The following RUVBL1 variants were observed in gnomAD, a reference collection of about 807,000 sequenced individuals.
The protein encoded by RUVBL1 is ruvB-like 1.
In RUVBL1, 4 loss-of-function variants were observed where a neutral mutation model predicts 52.4. The ratio of observed to expected loss-of-function variants is 0.08; its 90% CI spans 0.04 to 0.17. RUVBL1 has a LOEUF of 0.17. Among genes scored for constraint, RUVBL1 ranks in the 10% least tolerant of loss-of-function variants. The probability of loss-of-function intolerance (pLI) is 1.00; values close to 1 mark genes in which losing one functional copy is unlikely to be tolerated. For synonymous variants in RUVBL1, 217 were observed against 214.4 expected, an observed-to-expected ratio of 1.01 and a Z score of -0.10; for missense variants, 298 against 572.8, an observed-to-expected ratio of 0.52 and a Z score of 4.90.
intron 1 of RUVBL1, among the ~76,000 whole-genome samples, chr3:128,128,842 G>T (rs567399958): frequency 6.6e-6 from 1 of 152,282 alleles, no homozygotes; most frequent in Non-Finnish European, 1.5e-5. Context: ...CGACTCAAAG[G>T]CAGGTATGAC....
chr3:128,145,179 A>C lies in RUVBL1; in HGVS notation c.-40+8024T>G, dbSNP rs531847340. Among the ~76,000 whole-genome samples, 6 of 152,338 alleles carry C rather than the reference A, an allele frequency of 3.9e-5. No homozygotes were observed. The South Asian group carries it at 1.2e-3, about 32-fold the overall frequency. On this transcript the variant is annotated intron_variant, in intron 1 of 9. Coordinates refer to the RUVBL1 transcript ENST00000464873. ...CTGATATAGCACTTATTAATATACC[A>C]GGAATTGCTCTAAGTGCTATAGACA...
At chr3:128,092,896 G>A (rs1169998942) in intron 8 of RUVBL1, among the ~76,000 whole-genome samples, 1 of 152,140 alleles carries the variant, frequency 6.6e-6, no homozygotes, top group African/African-American at 2.4e-5. Flanking sequence ...TTGTACATAG[G>A]CCAGGTGTGG....
upstream of RUVBL1, among the ~76,000 whole-genome samples, chr3:128,126,165 C>A (rs1411533945): frequency 6.6e-6 from 1 of 151,772 alleles, no homozygotes; most frequent in Non-Finnish European, 1.5e-5. Context: ...TGTAGGATAC[C>A]AGCTCCATGC....
intron 1 of RUVBL1, among the ~76,000 whole-genome samples, chr3:128,148,780 G>A (rs1944141594): frequency 6.6e-6 from 1 of 152,072 alleles, no homozygotes; most frequent in Admixed American, 6.5e-5. Context: ...ATGCAAACAT[G>A]CTACACACAC....
rs1445925991 is a variant in RUVBL1, at chr3:128,089,090, A to T, written c.1017-1282T>A. Among the ~76,000 whole-genome samples, 6 of 152,260 alleles carry T rather than the reference A, an allele frequency of 3.9e-5. No homozygotes were observed. In the East Asian group the frequency reaches 1.2e-3, roughly 29 times the overall value. On this transcript the variant is annotated intron_variant, in intron 8 of 10. Coordinates refer to ENST00000322623, the MANE Select transcript of RUVBL1 (RefSeq NM_003707.3). Reference sequence around the variant, plus strand: ...ATTTCAACAGTTTAGAAAAAGAGGGAAAGGTAACACCTTAAGTTTGCATTT... The same window carrying T: ...ATTTCAACAGTTTAGAAAAAGAGGGTAAGGTAACACCTTAAGTTTGCATTT...
intron 6 of RUVBL1, 131 bp downstream of exon 6, chr3:128,100,464 G>T: frequency 9.4e-7 from 1 of 1,061,344 alleles, no homozygotes; most frequent in Non-Finnish European, 1.3e-6. Flanking sequence ...GATGTTAATT[G>T]CTGAACATTA....
rs189405742 is a variant in RUVBL1 at position 128,088,433 on chromosome 3, T to C, written c.1017-625A>G. The stretch of plus-strand genomic sequence containing the variant: ...ATATAGTATAATATACAGTATATAC[T>C]ATATTATAGTATATACTAATTATAC... On this transcript the variant is annotated intron_variant, in intron 8 of 10. Transcript: ENST00000322623. Among the ~76,000 whole-genome samples, 234 of 148,612 alleles carry C rather than the reference T, an allele frequency of 1.6e-3. 1 individual carries two copies. The highest frequency in any genetic ancestry group is 5.3e-3 in the African/African-American group (216 of 40,922).
intron 9 of RUVBL1, among the ~76,000 whole-genome samples, chr3:128,072,349 A>T (rs529024377): frequency 7.2e-5 from 11 of 152,234 alleles, no homozygotes; most frequent in Non-Finnish European, 1.5e-4. Flanking sequence ...ACCCCAGGGC[A>T]GGCCTGACCA....
At chr3:128,092,023 TCAGTGGACA>T (rs1942854131) in intron 8 of RUVBL1, among the ~76,000 whole-genome samples, 1 of 152,222 alleles carries the variant, frequency 6.6e-6, no homozygotes. Context: ...TAACCTTGGC[TCAGTGGACA>T]CACAGTAAGA....
At chr3:128,078,307 C>T (rs1942385198), downstream of RUVBL1, among the ~76,000 whole-genome samples, 1 of 152,232 alleles carries the variant, frequency 6.6e-6, no homozygotes, top group African/African-American at 2.4e-5. Context: ...AACTATCCTA[C>T]CAATCAATCT....
chr3:128,125,006 T>TG (rs10691953), upstream of RUVBL1, among the ~76,000 whole-genome samples: 3 of 14,804 alleles, frequency 2.0e-4, no homozygotes, highest in African/African-American at 6.5e-4. Context: ...TCACACCGCC[T>TG]TTTTTTTTTT....
At chr3:128,075,160 A>G (rs1411418612) in intron 9 of RUVBL1, 2 of 152,270 alleles carry the variant, frequency 1.3e-5, no homozygotes, top group Admixed American at 1.3e-4. Flanking sequence ...TCCCTGCTCC[A>G]AAAATCCATT....
At chr3:128,116,149 A>AAAAC (rs1307806792) in intron 2 of RUVBL1, among the ~76,000 whole-genome samples, 2 of 152,028 alleles carry the variant, frequency 1.3e-5, no homozygotes, top group African/African-American at 2.4e-5. Context: ...ACTGTCTCAA[A>AAAAC]AAACAAACAA....
intron 1 of RUVBL1, among the ~76,000 whole-genome samples, chr3:128,119,682 G>C (rs1260386864): frequency 6.6e-6 from 1 of 152,230 alleles, no homozygotes; most frequent in African/African-American, 2.4e-5. Flanking sequence ...AAGGGATGAT[G>C]AGAGAGAACG....
chr3:128,106,458 T>TCC (rs143719219), intron 3 of RUVBL1, among the ~76,000 whole-genome samples: 9 of 147,718 alleles, frequency 6.1e-5, no homozygotes, highest in South Asian at 2.2e-4. Flanking sequence ...TTAAAACGTA[T>TCC]CCCCCCCCCC....
chr3:128,105,178 T>C (rs1475121329), intron 3 of RUVBL1, among the ~76,000 whole-genome samples: 1 of 150,470 alleles, frequency 6.6e-6, no homozygotes, highest in Admixed American at 6.7e-5. Flanking sequence ...AGTGGCACGA[T>C]CTCGACTCAC....
chr3:128,102,976 G>A (rs908622398), intron 4 of RUVBL1, among the ~76,000 whole-genome samples: 1 of 152,202 alleles, frequency 6.6e-6, no homozygotes, highest in South Asian at 2.1e-4. Flanking sequence ...AGGCCCCCAG[G>A]TAAGGCCTGG....
exon 1 of RUVBL1, chr3:128,153,813 CA>C: frequency 6.6e-7 from 1 of 1,512,814 alleles, no homozygotes; most frequent in Non-Finnish European, 8.8e-7. Context: ...TCATCCGGAC[CA>C]TCATCGGCGG....
chr3:128,107,261 C>T (rs970822577), intron 3 of RUVBL1, among the ~76,000 whole-genome samples: 2 of 152,184 alleles, frequency 1.3e-5, no homozygotes, highest in African/African-American at 4.8e-5. Flanking sequence ...GGGGATGGGC[C>T]CCTGCCATCA....
Sources: allele counts gnomAD v4.1 joint callset (sites outside exome capture counted in the v4.1 genomes callset), GRCh38; gene constraint gnomAD v4.1.1; transcripts MANE v1.5; gene names NCBI Gene and HGNC (gene_info 2026-07-23, HGNC 2026-07-21).